CLCN7: variants seen among roughly 807,000 people sequenced by gnomAD.
The protein encoded by CLCN7 is Cl-/H+ antiporter 7.
Under a neutral mutation model 102.1 loss-of-function variants are expected in CLCN7, and 60 were observed. That is an observed-to-expected ratio of 0.59 (90% CI 0.48 to 0.73). The LOEUF is 0.73. Ranked by LOEUF, CLCN7 falls within the 30% of genes least tolerant of loss-of-function variation. The probability of loss-of-function intolerance (pLI) is 0.00; values close to 1 mark genes in which losing one functional copy is unlikely to be tolerated. For synonymous variants in CLCN7, 560 were observed against 490.5 expected, an observed-to-expected ratio of 1.14 and a Z score of -1.87; for missense variants, 962 against 1,125.7, an observed-to-expected ratio of 0.85 and a Z score of 2.08.
rs2038816047 is a variant in CLCN7 at position 1,455,226 on chromosome 16, A to T, written c.1006T>A (p.Phe336Ile). 1 of 1,612,942 alleles carries T rather than the reference A, an allele frequency of 6.2e-7. No homozygotes were observed. The highest frequency in any genetic ancestry group is 8.5e-7 in the Non-Finnish European group (1 of 1,179,248). ...ATGCTCAGAACAAAATTCAGGGTGAACGTGGAGATCATGGAAGCAAAGAAC... is the reference window on the plus strand; with the variant it reads ...ATGCTCAGAACAAAATTCAGGGTGATCGTGGAGATCATGGAAGCAAAGAAC... ...RIFFASMISTFTLNFVLSIYH... is the reference protein window; with the variant it reads ...RIFFASMISTITLNFVLSIYH... The change falls in exon 12 of 25, where the codon TTC (phenylalanine) becomes ATC (isoleucine). Residue 336 changes from phenylalanine (F) to isoleucine (I), a missense_variant. By Grantham distance (21) the Phe-to-Ile change is conservative. Transcript: ENST00000382745.
chr16:1,452,565 A>C, intron 15 of CLCN7, 190 bp downstream of exon 15: 1 of 624,456 alleles, frequency 1.6e-6, no homozygotes, highest in Non-Finnish European at 2.8e-6. Context: ...TTCCCCTGGC[A>C]CCTCAGCAGA....
At chr16:1,452,440 T>C (rs561309083) in intron 15 of CLCN7, 1 of 407,156 alleles carries the variant, frequency 2.5e-6, no homozygotes, top group African/African-American at 2.0e-5. Context: ...GAGGTTTGCA[T>C]TTCTCCTGGG....
At chr16:1,458,239 T>C (rs149835299) in intron 7 of CLCN7, among the ~76,000 whole-genome samples, 2,179 of 152,198 alleles carry the variant, frequency 0.014, 44 homozygotes, top group Admixed American at 0.047. Flanking sequence ...TGAGAAGGTG[T>C]GTAAGGTGTT....
rs757590102 is a variant in CLCN7, at chr16:1,454,417, C to G, written c.1147G>C (p.Val383Leu). The change falls in exon 13 of 25, where the codon GTG becomes CTG. Residue 383 changes from valine to leucine, a missense_variant. Val to Leu is a conservative substitution (Grantham distance 32). Coordinates refer to ENST00000382745, the MANE Select transcript of CLCN7 (RefSeq NM_001287.6). ...HEIPVFIAMG[V>L]VGGVLGAVFN... is the part of the protein sequence containing the mutation. ...TGCTGGGAGAAGCCCTTACCCACCACGCCCATGGCGATGAAGACCGGGATC... is the reference window on the plus strand; with the variant it reads ...TGCTGGGAGAAGCCCTTACCCACCAGGCCCATGGCGATGAAGACCGGGATC... 6.2e-7 allele frequency: 1 copy of G among 1,613,618 alleles called. No individual in the cohort carries two copies. The highest frequency in any genetic ancestry group is 8.5e-7 in the Non-Finnish European group (1 of 1,179,980).
intron 24 of CLCN7, 79 bp downstream of exon 24, chr16:1,446,927 G>A (rs17135335): frequency 0.012 from 16,175 of 1,355,582 alleles, 227 homozygotes; most frequent in African/African-American, 0.04. Flanking sequence ...GTCCCCTGCC[G>A]GGAGCTGAGA....
intron 14 of CLCN7, among the ~76,000 whole-genome samples, 197 bp from the exon 15 acceptor site, chr16:1,453,090 C>T (rs1231622678): frequency 6.6e-6 from 1 of 152,200 alleles, no homozygotes; most frequent in Non-Finnish European, 1.5e-5. Flanking sequence ...TCACTGCAAC[C>T]TCCACCTCCC....
chr16:1,473,361 C>A (rs2039103604), intron 1 of CLCN7, among the ~76,000 whole-genome samples: 1 of 145,246 alleles, frequency 6.9e-6, no homozygotes, highest in East Asian at 2.0e-4. Flanking sequence ...TTTTCGTGTC[C>A]TTCCTAAACT....
At chr16:1,468,247 C>G (rs1044326357) in intron 1 of CLCN7, among the ~76,000 whole-genome samples, 2 of 152,200 alleles carry the variant, frequency 1.3e-5, no homozygotes, top group South Asian at 4.1e-4. Flanking sequence ...GTGAAGGCTG[C>G]CGGTGCAGTA....
intron 17 of CLCN7, 38 bp from the exon 18 acceptor site, chr16:1,449,365 G>T: frequency 6.4e-7 from 1 of 1,563,386 alleles, no homozygotes; most frequent in Non-Finnish European, 8.7e-7. Flanking sequence ...CAGTGTGGTG[G>T]CAGGCCCAAA....
chr16:1,467,603 C>A (rs1192491469), intron 1 of CLCN7: 1 of 152,434 alleles, frequency 6.6e-6, no homozygotes, highest in African/African-American at 2.4e-5. Context: ...GCCCCGATGC[C>A]CCAAACAGAG....
rs535793309 is a variant in CLCN7 at position 1,457,878 on chromosome 16, AG to A, written c.676-123del. 163 of 953,830 alleles carry A rather than the reference AG, an allele frequency of 1.7e-4. No homozygotes were observed. Among genetic ancestry groups the A allele is most frequent in the East Asian group, 9.8e-4 (38 of 38,866 alleles). 59.1% of individuals were successfully genotyped at this position (953,830 alleles called of 1,614,324 possible). A position where few individuals can be genotyped will look rare whatever the true frequency, so the allele number is the denominator to read the frequency against. On this transcript the variant is annotated intron_variant, in intron 7 of 24. Transcript: ENST00000382745. The surrounding 1 kb of genome is among the most constrained non-coding windows in gnomAD (Gnocchi z 5.4). ...GTGGCTGGGACACGGGGCCTCCGGG[AG>A]GGGGCCAGCACCCCCAGGCTGGGTC...
At chr16:1,454,157 C>G (rs1377479090) in intron 13 of CLCN7, among the ~76,000 whole-genome samples, 2 of 152,274 alleles carry the variant, frequency 1.3e-5, no homozygotes, top group East Asian at 3.8e-4. Context: ...CTATCTCTTA[C>G]AGGAAATCCC....
rs559954647 is a variant in CLCN7, at chr16:1,454,326, C to G, written c.1153+85G>C. 3.0e-5 allele frequency: 42 copies of G among 1,408,690 alleles called. No homozygotes were observed. The East Asian group carries it at 9.4e-4, about 31-fold the overall frequency. The allele number at this position is 1,408,690 out of a possible 1,614,324, so 87.3% of individuals were successfully genotyped here. ...GATGAGGGCAGGCTCCAGGGAGCCA[C>G]AGCCTCCAGTCCTCGTCTCTATGGC... On this transcript the variant is annotated intron_variant, in intron 13 of 24. Coordinates refer to ENST00000382745, the MANE Select transcript of CLCN7 (RefSeq NM_001287.6).
intron 24 of CLCN7, 48 bp from the exon 25 acceptor site, chr16:1,446,765 T>C: frequency 6.8e-7 from 1 of 1,478,650 alleles, no homozygotes; most frequent in African/African-American, 1.4e-5. Context: ...GGCTCCCGCC[T>C]GCCTGTGGAG....
At chr16:1,473,820 A>C (rs1596233220) in intron 1 of CLCN7, among the ~76,000 whole-genome samples, 1 of 152,034 alleles carries the variant, frequency 6.6e-6, no homozygotes, top group Non-Finnish European at 1.5e-5. Context: ...GCAGTGGCTC[A>C]CGCCTGTAAT....
chr16:1,454,842 C>T (rs868040660), intron 12 of CLCN7, among the ~76,000 whole-genome samples: 3 of 152,350 alleles, frequency 2.0e-5, no homozygotes, highest in Admixed American at 6.5e-5. Flanking sequence ...CCTGAGCCCA[C>T]CTGCCCCGAG....
Position 1,465,311 on chromosome 16 carries a change from C to T in CLCN7, c.169G>A (p.Gly57Arg), listed in dbSNP as rs538186474. 1.2e-5 allele frequency: 19 copies of T among 1,613,748 alleles called. No homozygotes were observed. Among genetic ancestry groups the T allele is most frequent in the Admixed American group, 1.7e-5 (1 of 59,978 alleles). The change falls in exon 2 of 25, where the codon GGA becomes AGA. Residue 57 changes from glycine to arginine, a missense_variant. Gly to Arg is a moderately radical substitution (Grantham distance 125). Coordinates refer to ENST00000382745, the MANE Select transcript of CLCN7 (RefSeq NM_001287.6). The stretch of plus-strand genomic sequence containing the variant: ...TCCAGCTCCACGCTGCTCATATGTC[C>T]GACTCGGAAAAGCGCAGAACGTGGT... Reference protein sequence around the residue: ...QSPRSALFRVGHMSSVELDDE... With the variant: ...QSPRSALFRVRHMSSVELDDE...
At chr16:1,446,757 C>T in intron 24 of CLCN7, 40 bp from the exon 25 acceptor site, 3 of 1,508,550 alleles carry the variant, frequency 2.0e-6, no homozygotes, top group Non-Finnish European at 1.8e-6. Context: ...CACGGGTCGG[C>T]TCCCGCCTGC....
intron 19 of CLCN7, 45 bp from the exon 20 acceptor site, chr16:1,448,811 C>T (rs756903576): frequency 1.4e-5 from 23 of 1,601,660 alleles, no homozygotes; most frequent in Middle Eastern, 2.0e-4. Flanking sequence ...TCCACACCCA[C>T]CCCTGGAGCC....
Sources: gnomAD v4.1 joint callset for allele counts (sites outside exome capture counted in the v4.1 genomes callset) on GRCh38, gnomAD v4.1.1 for gene constraint, Gnocchi (gnomAD v3.1) non-coding constraint, MANE v1.5 for transcripts, NCBI Gene and HGNC (gene_info 2026-07-23, HGNC 2026-07-21) for gene names.